The following CADM1 variants were observed in gnomAD, a reference collection of about 807,000 sequenced individuals.
CADM1 encodes TSLC-1.
In CADM1, 15 loss-of-function variants were observed where a neutral mutation model predicts 53.1. That is an observed-to-expected ratio of 0.28 (90% confidence interval 0.19 to 0.44). The LOEUF (loss-of-function observed/expected upper bound fraction) is 0.44. Ranked by LOEUF, CADM1 falls within the 20% of genes least tolerant of loss-of-function variation. CADM1 has a pLI of 1.00. For missense variants in CADM1, 434 were observed against 611.3 expected (o/e 0.71, Z 3.06); for synonymous variants, 281 against 243.0 (o/e 1.16, Z -1.45).
intron 1 of CADM1, among the ~76,000 whole-genome samples, chr11:115,409,535 C>T (rs1947405464): frequency 6.6e-6 from 1 of 151,478 alleles, no homozygotes; most frequent in Non-Finnish European, 1.5e-5. Flanking sequence ...TCCAAGTGGC[C>T]CACCAAGATA....
chr11:115,276,658 T>A (rs1943454182), intron 1 of CADM1, among the ~76,000 whole-genome samples: 1 of 152,352 alleles, frequency 6.6e-6, no homozygotes, highest in African/African-American at 2.4e-5. Context: ...AACTGTCTTA[T>A]ACAATTAAGT....
chr11:115,294,058 T>C lies in CADM1; in HGVS notation c.125-53638A>G, dbSNP rs138149220. Among the ~76,000 whole-genome samples the C allele has an allele frequency of 4.9e-3, 744 of 152,296 alleles. 8 individuals carry two copies. Among genetic ancestry groups the C allele is most frequent in the African/African-American group, 0.017 (717 of 41,562 alleles). ...TTCCTGATACCCACCACTGTTCAGT[T>C]TGGAGTATTAGGTGGGGTGAAGTAT... On this transcript the variant is annotated intron_variant, in intron 1 of 11. Coordinates refer to ENST00000331581, the MANE Select transcript of CADM1 (RefSeq NM_001301043.2).
chr11:115,249,942 T>C (rs1482349569), intron 1 of CADM1, among the ~76,000 whole-genome samples: 1 of 148,748 alleles, frequency 6.7e-6, no homozygotes, highest in Admixed American at 6.8e-5. Flanking sequence ...TCTCCCTCTG[T>C]TGCCCAGGCT....
intron 1 of CADM1, among the ~76,000 whole-genome samples, chr11:115,314,992 T>A (rs534660039): frequency 1.3e-5 from 2 of 152,122 alleles, no homozygotes; most frequent in African/African-American, 4.8e-5. Flanking sequence ...GGGATGTAAA[T>A]TGTGATCGGA....
chr11:115,264,214 T>C (rs956183432), intron 1 of CADM1, among the ~76,000 whole-genome samples: 2 of 152,208 alleles, frequency 1.3e-5, no homozygotes, highest in African/African-American at 4.8e-5. Context: ...ACAGAAGATC[T>C]AAAGGAGGAG....
intron 1 of CADM1, among the ~76,000 whole-genome samples, chr11:115,465,048 TA>T (rs1254257027): frequency 2.0e-5 from 3 of 152,218 alleles, no homozygotes; most frequent in Non-Finnish European, 2.9e-5. Flanking sequence ...TCTGGGCATC[TA>T]GGCAAATCTG....
intron 1 of CADM1, among the ~76,000 whole-genome samples, chr11:115,463,060 C>T (rs1171403410): frequency 6.6e-6 from 1 of 152,170 alleles, no homozygotes; most frequent in Middle Eastern, 3.2e-3. Context: ...AGTAGCTTTA[C>T]TTCAGCATGG....
chr11:115,306,819 C>A (rs1346419152), intron 1 of CADM1, among the ~76,000 whole-genome samples: 2 of 151,992 alleles, frequency 1.3e-5, no homozygotes, highest in African/African-American at 4.8e-5. Flanking sequence ...ACAGACATGT[C>A]AATGTCCAAA....
At chr11:115,378,760 C>T (rs961106299) in intron 1 of CADM1, among the ~76,000 whole-genome samples, 2 of 152,162 alleles carry the variant, frequency 1.3e-5, no homozygotes, top group African/African-American at 2.4e-5. Flanking sequence ...CATGCTCATT[C>T]GTTTACATAT....
intron 1 of CADM1, among the ~76,000 whole-genome samples, chr11:115,352,663 G>A (rs1031866615): frequency 1.3e-5 from 2 of 152,174 alleles, no homozygotes; most frequent in African/African-American, 4.8e-5. Context: ...GGAGGAGCAG[G>A]AGAAGGTAGA....
intron 1 of CADM1, among the ~76,000 whole-genome samples, chr11:115,370,500 T>C (rs1489129459): frequency 6.6e-6 from 1 of 152,170 alleles, no homozygotes; most frequent in African/African-American, 2.4e-5. Flanking sequence ...ATCAGAGAGC[T>C]TGCTGTGTCT....
intron 1 of CADM1, among the ~76,000 whole-genome samples, chr11:115,245,088 G>C (rs1417246493): frequency 6.6e-6 from 1 of 152,146 alleles, no homozygotes; most frequent in East Asian, 1.9e-4. Context: ...TGGCAACTAC[G>C]TAAACTGTTA....
chr11:115,338,877 AT>A (rs56300408), intron 1 of CADM1, among the ~76,000 whole-genome samples: 3,590 of 127,694 alleles, frequency 0.028, 144 homozygotes, highest in African/African-American at 0.087. Context: ...TATTTTTTTT[AT>A]TTTTTTTTTT....
chr11:115,328,076 A>G (rs893537068), intron 1 of CADM1, among the ~76,000 whole-genome samples: 69 of 151,868 alleles, frequency 4.5e-4, no homozygotes, highest in Non-Finnish European at 8.8e-5. Flanking sequence ...CAAATTATAT[A>G]CTAAGATCTT....
intron 10 of CADM1, among the ~76,000 whole-genome samples, chr11:115,184,021 A>G (rs973258900): frequency 6.6e-6 from 1 of 152,194 alleles, no homozygotes; most frequent in African/African-American, 2.4e-5. Context: ...GTTTAATTAC[A>G]AACTCTCAGA....
At chr11:115,427,211 G>A (rs1041471115) in intron 1 of CADM1, among the ~76,000 whole-genome samples, 6 of 152,180 alleles carry the variant, frequency 3.9e-5, no homozygotes, top group East Asian at 1.9e-4. Flanking sequence ...ATGGAGACAC[G>A]CAGAAGAATC....
intron 1 of CADM1, among the ~76,000 whole-genome samples, chr11:115,387,023 G>A (rs895267835): frequency 6.6e-6 from 1 of 152,142 alleles, no homozygotes; most frequent in Non-Finnish European, 1.5e-5. Context: ...ATAACCCATT[G>A]TACACAGACA....
chr11:115,256,443 C>CT (rs1942790574), intron 1 of CADM1, among the ~76,000 whole-genome samples: 1 of 152,200 alleles, frequency 6.6e-6, no homozygotes, highest in South Asian at 2.1e-4. Flanking sequence ...GCCTGGACTG[C>CT]TGGCCCTGTT....
intron 1 of CADM1, among the ~76,000 whole-genome samples, chr11:115,358,039 G>A (rs1328371391): frequency 6.6e-6 from 1 of 152,100 alleles, no homozygotes; most frequent in Non-Finnish European, 1.5e-5. Context: ...CCACATATAT[G>A]AAGTGTACAG....
Sources: gnomAD v4.1 joint callset for allele counts (sites outside exome capture counted in the v4.1 genomes callset) on GRCh38, gnomAD v4.1.1 for gene constraint, MANE v1.5 for transcripts, NCBI Gene and HGNC (gene_info 2026-07-23, HGNC 2026-07-21) for gene names.